Variants in SLC25A26 observed in about 807,000 individuals in gnomAD.
SLC25A26 encodes the protein mitochondrial S-adenosylmethionine carrier protein.
In SLC25A26, 36 loss-of-function variants were observed where a neutral mutation model predicts 37.8. That is an observed-to-expected ratio of 0.95 (90% confidence interval 0.73 to 1.26). The LOEUF (loss-of-function observed/expected upper bound fraction) is 1.26. Among genes scored for constraint, SLC25A26 ranks in the 50% most tolerant of loss-of-function variants. The pLI is 0.00. For synonymous variants in SLC25A26, 129 were observed against 122.5 expected (o/e 1.05, Z -0.35); for missense variants, 390 against 331.1 (o/e 1.18, Z -1.38).
intron 3 of SLC25A26, among the ~76,000 whole-genome samples, chr3:66,247,018 C>T (rs547291195): frequency 9.2e-5 from 14 of 152,172 alleles, no homozygotes; most frequent in African/African-American, 3.1e-4. Context: ...CCCGCCACCA[C>T]ACCCGGCTAA....
intron 5 of SLC25A26, among the ~76,000 whole-genome samples, chr3:66,305,367 A>C (rs929247742): frequency 3.3e-5 from 5 of 152,238 alleles, no homozygotes; most frequent in Non-Finnish European, 7.3e-5. Context: ...TGTTATAAAA[A>C]ATGGAATTCC....
chr3:66,374,160 A>C (rs569330813), intron 9 of SLC25A26, among the ~76,000 whole-genome samples: 1 of 152,230 alleles, frequency 6.6e-6, no homozygotes, highest in Non-Finnish European at 1.5e-5. Flanking sequence ...TAATACAGGC[A>C]TATTTTGTTT....
At chr3:66,262,673 T>C (rs2073576423) in intron 4 of SLC25A26, among the ~76,000 whole-genome samples, 1 of 152,176 alleles carries the variant, frequency 6.6e-6, no homozygotes, top group Admixed American at 6.5e-5. Flanking sequence ...TAAAAAGACA[T>C]GAGAATCAAT....
At chr3:66,280,283 A>G (rs562329459) in intron 5 of SLC25A26, among the ~76,000 whole-genome samples, 1 of 152,310 alleles carries the variant, frequency 6.6e-6, no homozygotes, top group Non-Finnish European at 1.5e-5. Flanking sequence ...AGCATCTGCC[A>G]TATGCCAGAT....
chr3:66,224,494 G>T (rs36172003), intron 1 of SLC25A26, among the ~76,000 whole-genome samples: 9,597 of 152,228 alleles, frequency 0.063, 358 homozygotes, highest in African/African-American at 0.11. Flanking sequence ...CTGCCCCCAT[G>T]ATTCAGTTAC....
intron 3 of SLC25A26, among the ~76,000 whole-genome samples, chr3:66,256,072 A>G (rs2073289590): frequency 6.6e-6 from 1 of 152,120 alleles, no homozygotes; most frequent in Admixed American, 6.5e-5. Context: ...GACAGTTCCT[A>G]TTTTCTTCAC....
intron 1 of SLC25A26, among the ~76,000 whole-genome samples, chr3:66,211,395 C>T (rs2071282167): frequency 1.3e-5 from 2 of 152,152 alleles, no homozygotes; most frequent in Non-Finnish European, 2.9e-5. Context: ...GGCAAACAGC[C>T]TGAAAGTGGC....
intron 2 of SLC25A26, among the ~76,000 whole-genome samples, chr3:66,242,084 T>C (rs782331525): frequency 1.1e-4 from 16 of 152,182 alleles, no homozygotes; most frequent in Non-Finnish European, 2.1e-4. Context: ...TTGGAACTTA[T>C]ATTCTTAAAG....
At chr3:66,216,606 T>C (rs1273542475), upstream of SLC25A26, among the ~76,000 whole-genome samples, 3 of 151,980 alleles carry the variant, frequency 2.0e-5, no homozygotes, top group Admixed American at 2.0e-4. Context: ...GATTATGTCC[T>C]TGTTTTTTGT....
At chr3:66,172,302 T>G (rs141932925) in intron 1 of SLC25A26, among the ~76,000 whole-genome samples, 5 of 150,588 alleles carry the variant, frequency 3.3e-5, no homozygotes, top group South Asian at 2.1e-4. Context: ...TCCCAGCTAT[T>G]CAAGAGGCTG....
chr3:66,144,150 C>G (rs555572720), intron 1 of SLC25A26, among the ~76,000 whole-genome samples: 2 of 152,092 alleles, frequency 1.3e-5, no homozygotes, highest in South Asian at 4.2e-4. Context: ...AAGCTGAGAC[C>G]TGAATGATAA....
chr3:66,353,652 T>C (rs2076510875), intron 6 of SLC25A26, among the ~76,000 whole-genome samples: 1 of 152,240 alleles, frequency 6.6e-6, no homozygotes, highest in Non-Finnish European at 1.5e-5. Flanking sequence ...TGATGACATG[T>C]AGCTTAGGAA....
chr3:66,202,892 A>G (rs1443302696), intron 1 of SLC25A26, among the ~76,000 whole-genome samples: 1 of 152,238 alleles, frequency 6.6e-6, no homozygotes, highest in Admixed American at 6.5e-5. Flanking sequence ...CAAAAGCTTG[A>G]CACATTATTT....
intron 5 of SLC25A26, among the ~76,000 whole-genome samples, chr3:66,325,194 C>CAT (rs1416203278): frequency 1.3e-5 from 2 of 152,014 alleles, no homozygotes; most frequent in Non-Finnish European, 2.9e-5. Flanking sequence ...AGACGTAAGG[C>CAT]ATATATTCAG....
intron 5 of SLC25A26, among the ~76,000 whole-genome samples, chr3:66,342,234 T>C (rs1397641752): frequency 6.6e-6 from 1 of 152,182 alleles, no homozygotes; most frequent in East Asian, 1.9e-4. Context: ...CTAGAGGTCT[T>C]GCACACGGTT....
chr3:66,232,672 G>C (rs1379338729), intron 1 of SLC25A26, among the ~76,000 whole-genome samples: 1 of 152,200 alleles, frequency 6.6e-6, no homozygotes, highest in African/African-American at 2.4e-5. Flanking sequence ...AAAGATCCAG[G>C]TGGAAAGAAA....
chr3:66,218,489 C>G (rs1223110322), upstream of SLC25A26, among the ~76,000 whole-genome samples: 2 of 152,168 alleles, frequency 1.3e-5, no homozygotes, highest in Admixed American at 1.3e-4. Context: ...GTATTCATAT[C>G]TCATTGTGGT....
chr3:66,216,609 T>TTTTTTG (rs1204538797), upstream of SLC25A26, among the ~76,000 whole-genome samples: 28 of 152,052 alleles, frequency 1.8e-4, no homozygotes, highest in Admixed American at 1.3e-3. Context: ...TATGTCCTTG[T>TTTTTTG]TTTTTGTTTT....
chr3:66,210,422 A>G (rs1462786921), intron 1 of SLC25A26, among the ~76,000 whole-genome samples: 1 of 152,148 alleles, frequency 6.6e-6, no homozygotes, highest in African/African-American at 2.4e-5. Context: ...AGGAAACCAC[A>G]TTAAGTTGAA....
Sources: gnomAD v4.1 joint callset for allele counts (sites outside exome capture counted in the v4.1 genomes callset) on GRCh38, gnomAD v4.1.1 for gene constraint, MANE v1.5 for transcripts, NCBI Gene and HGNC (gene_info 2026-07-23, HGNC 2026-07-21) for gene names.